TNR: variants seen among roughly 807,000 people sequenced by gnomAD.
TNR encodes the protein tenascin R, also known as tenascin-R.
In TNR, 45 loss-of-function variants were observed where a neutral mutation model predicts 150.4. That is an observed-to-expected ratio of 0.30 (90% CI 0.24 to 0.38). The LOEUF (loss-of-function observed/expected upper bound fraction) is 0.38. Ranked by LOEUF, TNR falls within the 10% of genes least tolerant of loss-of-function variation. The pLI, the probability that TNR is intolerant of heterozygous loss-of-function variation, is 1.00. For synonymous variants in TNR, 687 were observed against 678.4 expected (o/e 1.01, Z -0.20); for missense variants, 1,544 against 1,759.1 (o/e 0.88, Z 2.19).
chr1:175,445,816 G>A (rs758446845), intron 2 of TNR, among the ~76,000 whole-genome samples: 7 of 152,166 alleles, frequency 4.6e-5, no homozygotes, highest in African/African-American at 1.4e-4. Context: ...GCAGTTGTAC[G>A]TTGTATCTGT....
intron 1 of TNR, among the ~76,000 whole-genome samples, chr1:175,550,577 A>G (rs1660900256): frequency 6.6e-6 from 1 of 151,866 alleles, no homozygotes; most frequent in Non-Finnish European, 1.5e-5. Flanking sequence ...TGAAGCTGAT[A>G]ATGCTTCTCC....
intron 2 of TNR, among the ~76,000 whole-genome samples, chr1:175,423,155 A>T (rs1333085629): frequency 1.3e-5 from 2 of 152,254 alleles, no homozygotes; most frequent in African/African-American, 4.8e-5. Flanking sequence ...ATAAGCTACA[A>T]AGTGGCACAT....
intron 2 of TNR, among the ~76,000 whole-genome samples, chr1:175,462,625 C>T (rs1334967692): frequency 2.0e-5 from 3 of 152,216 alleles, no homozygotes; most frequent in African/African-American, 7.2e-5. Flanking sequence ...TGCAGTAAAA[C>T]AAGCAGTCTC....
chr1:175,337,132 T>C (rs1261711281), intron 19 of TNR, among the ~76,000 whole-genome samples: 6 of 152,118 alleles, frequency 3.9e-5, no homozygotes, highest in Admixed American at 3.9e-4. Context: ...TGGCCTCAAG[T>C]CATCACCCGC....
intron 18 of TNR, among the ~76,000 whole-genome samples, chr1:175,339,602 C>T (rs1056820924): frequency 6.6e-6 from 1 of 152,190 alleles, no homozygotes; most frequent in African/African-American, 2.4e-5. Context: ...TCTTTCTCCC[C>T]TTTCATCTCA....
intron 2 of TNR, among the ~76,000 whole-genome samples, chr1:175,495,195 A>C (rs1370273278): frequency 6.6e-6 from 1 of 152,224 alleles, no homozygotes; most frequent in Admixed American, 6.5e-5. Context: ...AGTCCAGTGC[A>C]GAAGATAGAC....
At chr1:175,711,291 G>T (rs559787614) in intron 1 of TNR, among the ~76,000 whole-genome samples, 1 of 152,276 alleles carries the variant, frequency 6.6e-6, no homozygotes, top group African/African-American at 2.4e-5. Flanking sequence ...GACTTGGGGA[G>T]ATGAGGGCTG....
chr1:175,448,453 G>A (rs934395874), intron 2 of TNR, among the ~76,000 whole-genome samples: 2 of 151,974 alleles, frequency 1.3e-5, no homozygotes, highest in Non-Finnish European at 1.5e-5. Context: ...CTCGTGATCC[G>A]CCCACCTCAG....
chr1:175,610,887 A>G (rs1249537539), intron 1 of TNR, among the ~76,000 whole-genome samples: 1 of 152,252 alleles, frequency 6.6e-6, no homozygotes, highest in Non-Finnish European at 1.5e-5. Flanking sequence ...GAGAAAGAAT[A>G]CATTCTGTAG....
chr1:175,722,646 A>G (rs1667339479), intron 1 of TNR, among the ~76,000 whole-genome samples: 1 of 151,774 alleles, frequency 6.6e-6, no homozygotes, highest in African/African-American at 2.4e-5. Context: ...TGCGTTTTTT[A>G]TAGAGACAGG....
chr1:175,326,834 AT>A (rs1411634755), intron 21 of TNR, among the ~76,000 whole-genome samples: 2 of 151,626 alleles, frequency 1.3e-5, no homozygotes, highest in African/African-American at 4.9e-5. Flanking sequence ...CACCTAGCTA[AT>A]TTTTGTATTT....
chr1:175,732,299 GT>G (rs1667663265), intron 1 of TNR, among the ~76,000 whole-genome samples: 1 of 152,232 alleles, frequency 6.6e-6, no homozygotes. Context: ...TGGATGAGTA[GT>G]TACAGCTTTG....
intron 18 of TNR, among the ~76,000 whole-genome samples, chr1:175,350,768 A>G (rs1162326788): frequency 6.6e-6 from 1 of 152,120 alleles, no homozygotes; most frequent in Non-Finnish European, 1.5e-5. Flanking sequence ...ACTTTTTGAC[A>G]TCTTAACTCT....
intron 6 of TNR, among the ~76,000 whole-genome samples, chr1:175,393,148 A>G (rs893085831): frequency 1.3e-5 from 2 of 152,222 alleles, no homozygotes; most frequent in Admixed American, 1.3e-4. Context: ...GCAATTCGGA[A>G]AAGTTAGTTT....
chr1:175,342,451 G>A (rs965450068), intron 18 of TNR, among the ~76,000 whole-genome samples: 25 of 152,228 alleles, frequency 1.6e-4, no homozygotes, highest in Non-Finnish European at 1.5e-4. Flanking sequence ...GGGTGGGATG[G>A]AGGAAAGAGA....
chr1:175,397,709 G>C (rs1233401153), intron 4 of TNR, among the ~76,000 whole-genome samples: 1 of 152,202 alleles, frequency 6.6e-6, no homozygotes, highest in African/African-American at 2.4e-5. Flanking sequence ...TCTTGGAGAT[G>C]ATGATGATAA....
intron 9 of TNR, among the ~76,000 whole-genome samples, chr1:175,369,433 A>T (rs537402603): frequency 2.1e-4 from 32 of 152,264 alleles, no homozygotes; most frequent in African/African-American, 5.8e-4. Context: ...CTGTAGACAC[A>T]TGTGTGTCTG....
intron 1 of TNR, among the ~76,000 whole-genome samples, chr1:175,639,851 T>G (rs1664599873): frequency 6.6e-6 from 1 of 152,228 alleles, no homozygotes; most frequent in African/African-American, 2.4e-5. Flanking sequence ...TTTTTTCACT[T>G]CATTTTGGTC....
In TNR at chr1:175,406,301, C is replaced by T. The variant is rs1290483156; in HGVS notation, c.414G>A (p.Leu138=). 5 of 1,614,042 alleles carry T rather than the reference C, an allele frequency of 3.1e-6. No individual in the cohort carries two copies. In the East Asian group the frequency reaches 1.1e-4, roughly 36 times the overall value. Residue 138 remains leucine, a synonymous_variant, in exon 3 of 23, where the codon CTG becomes CTA. Transcript: ENST00000367674. ...ASSAQVLQEL[L]SRIEMLEREV... ...CCCTCTCCAGCATCTCGATCCGGCT[C>T]AGCAGCTCCTGCAGCACCTGGGCTG...
Sources: allele counts gnomAD v4.1 joint callset (sites outside exome capture counted in the v4.1 genomes callset), GRCh38; gene constraint gnomAD v4.1.1; transcripts MANE v1.5; gene names NCBI Gene and HGNC (gene_info 2026-07-23, HGNC 2026-07-21).